The following HTR3B variants were observed in gnomAD, a reference collection of about 807,000 sequenced individuals.
HTR3B encodes the protein 5-hydroxytryptamine (serotonin) receptor 3B, ionotropic.
Under a neutral mutation model 42.8 loss-of-function variants are expected in HTR3B, and 44 were observed. That is an observed-to-expected ratio of 1.03 (90% confidence interval 0.81 to 1.32). The LOEUF (loss-of-function observed/expected upper bound fraction) is 1.32, where lower values mean the gene tolerates loss of function less well. HTR3B is among the 40% of genes most tolerant of loss of function. The pLI is 0.00. For synonymous variants in HTR3B, 203 were observed against 209.0 expected (o/e 0.97, Z 0.25); for missense variants, 527 against 536.5 (o/e 0.98, Z 0.17).
At position 113,911,904 on chromosome 11, in the gene HTR3B, C is replaced by T. The variant is rs185667363; in HGVS notation, c.213+2449C>T. Among the ~76,000 whole-genome samples the T allele has an allele frequency of 2.3e-3, 354 of 152,274 alleles. 1 individual carries two copies. Among genetic ancestry groups the T allele is most frequent in the Admixed American group, 4.1e-3 (63 of 15,298 alleles). The stretch of plus-strand genomic sequence containing the variant: ...TGTTCCCTTCCTAGTCCATCCCCAT[C>T]CTCTTCACCCACAGAGACAAATACT... On this transcript the variant is annotated intron_variant, in intron 2 of 8. Coordinates refer to ENST00000260191, the MANE Select transcript of HTR3B (RefSeq NM_006028.5).
intron 2 of HTR3B, among the ~76,000 whole-genome samples, chr11:113,929,667 T>G (rs1191181616): frequency 6.6e-6 from 1 of 152,166 alleles, no homozygotes; most frequent in Admixed American, 6.6e-5. Flanking sequence ...TCTTTTAATG[T>G]GCTTATTGGT....
chr11:113,927,212 A>T (rs1949984313), intron 2 of HTR3B, among the ~76,000 whole-genome samples: 1 of 152,164 alleles, frequency 6.6e-6, no homozygotes, highest in Non-Finnish European at 1.5e-5. Context: ...CATCACCGTG[A>T]TTCAGTCTCC....
upstream of HTR3B, among the ~76,000 whole-genome samples, chr11:113,901,652 G>A (rs1016300355): frequency 6.6e-6 from 1 of 152,124 alleles, no homozygotes; most frequent in Admixed American, 6.5e-5. Flanking sequence ...CCAATAAAGA[G>A]CCATAATGGG....
At chr11:113,909,516 A>C in intron 2 of HTR3B, 61 bp downstream of exon 2, 1 of 1,375,086 alleles carries the variant, frequency 7.3e-7, no homozygotes, top group Non-Finnish European at 1.0e-6. Flanking sequence ...TCTGCAGTTC[A>C]TGCAGGAGCC....
intron 8 of HTR3B, among the ~76,000 whole-genome samples, chr11:113,945,548 G>C (rs1391275358): frequency 1.3e-5 from 2 of 152,228 alleles, no homozygotes; most frequent in Non-Finnish European, 2.9e-5. Context: ...CAAGGAGCTT[G>C]TGTACATTTA....
upstream of HTR3B, among the ~76,000 whole-genome samples, chr11:113,899,924 A>G (rs1949686566): frequency 6.6e-6 from 1 of 152,232 alleles, no homozygotes; most frequent in Admixed American, 6.5e-5. Context: ...CGCAGATTCA[A>G]ATCCCAGATT....
chr11:113,904,785 G>C (rs953391145), upstream of HTR3B: 16 of 649,420 alleles, frequency 2.5e-5, no homozygotes, highest in African/African-American at 2.9e-4. Context: ...CCCACTGAGT[G>C]TTTACAAAAT....
At chr11:113,920,901 C>T (rs955943375) in intron 2 of HTR3B, among the ~76,000 whole-genome samples, 2 of 151,974 alleles carry the variant, frequency 1.3e-5, no homozygotes, top group African/African-American at 4.8e-5. Flanking sequence ...CAACCTCTGC[C>T]TCCTGGGTTC....
chr11:113,899,965 C>T (rs985869450), upstream of HTR3B, among the ~76,000 whole-genome samples: 1 of 152,188 alleles, frequency 6.6e-6, no homozygotes, highest in Non-Finnish European at 1.5e-5. Flanking sequence ...CAAGTAATGC[C>T]ACTTAAGAAG....
chr11:113,937,689 G>T (rs1950102055), intron 6 of HTR3B, among the ~76,000 whole-genome samples: 1 of 152,226 alleles, frequency 6.6e-6, no homozygotes, highest in South Asian at 2.1e-4. Context: ...CAGGCAACTT[G>T]ACTCCAGAAA....
intron 6 of HTR3B, among the ~76,000 whole-genome samples, chr11:113,937,381 T>C (rs1591585090): frequency 6.6e-6 from 1 of 152,210 alleles, no homozygotes. Flanking sequence ...TTTGAGTTCT[T>C]ACCATGTGCC....
At chr11:113,913,766 C>T (rs1348433089) in intron 2 of HTR3B, among the ~76,000 whole-genome samples, 20 of 152,138 alleles carry the variant, frequency 1.3e-4, no homozygotes, top group Admixed American at 1.0e-3. Context: ...CCACCTGCCT[C>T]GGTCTGCCAA....
At chr11:113,941,018 G>A (rs544717324) in intron 6 of HTR3B, among the ~76,000 whole-genome samples, 1 of 152,304 alleles carries the variant, frequency 6.6e-6, no homozygotes, top group Non-Finnish European at 1.5e-5. Context: ...CTCACTTAAG[G>A]GAGCTCAGCT....
intron 6 of HTR3B, among the ~76,000 whole-genome samples, chr11:113,938,068 T>C (rs2137531920): frequency 6.6e-6 from 1 of 152,250 alleles, no homozygotes; most frequent in South Asian, 2.1e-4. Flanking sequence ...GCCTTCTCCT[T>C]GTGTGTCTCT....
At chr11:113,944,495 T>C (rs1188464743) in intron 7 of HTR3B, 78 bp from the exon 8 acceptor site, 1 of 1,394,608 alleles carries the variant, frequency 7.2e-7, no homozygotes, top group Non-Finnish European at 1.0e-6. Flanking sequence ...AGCAAGACCC[T>C]GTCCCTAAAG....
chr11:113,944,880 C>T (rs981997104), intron 8 of HTR3B, 125 bp downstream of exon 8: 72 of 779,870 alleles, frequency 9.2e-5, no homozygotes, highest in Non-Finnish European at 1.3e-4. Context: ...GCTTCTTAGC[C>T]TGGGTGTGGC....
At position 113,947,602 on chromosome 11, in the gene HTR3B, G is replaced by A. The variant is rs1477409213; in HGVS notation, c.*1465G>A. On this transcript the variant is annotated 3_prime_UTR_variant, in exon 9 of 9. Coordinates refer to ENST00000260191, the MANE Select transcript of HTR3B (RefSeq NM_006028.5). Reference sequence around the variant, plus strand: ...TGTTTTCACATGACCTTTCCTCTGTGCATGCTCATGTCTGTGTCCAGATTT... The same window carrying A: ...TGTTTTCACATGACCTTTCCTCTGTACATGCTCATGTCTGTGTCCAGATTT... Among the ~76,000 whole-genome samples the A allele has an allele frequency of 6.6e-6, 1 of 152,120 alleles. No individual in the cohort carries two copies. Among genetic ancestry groups the A allele is most frequent in the African/African-American group, 2.4e-5 (1 of 41,410 alleles).
In HTR3B at chr11:113,933,064, G is replaced by T. The variant is rs145224778; in HGVS notation, c.667G>T (p.Ala223Ser). Residue 223 changes from alanine (A) to serine (S), a missense_variant, in exon 6 of 9, where the codon GCT becomes TCT. By Grantham distance (99) the Ala-to-Ser change is moderately conservative. Transcript: ENST00000260191. ...CACATACAGCATCCTGCAGAGCAGC[G>T]CTGGAGGATTTGCACAGATTCAGTT... ...SSTYSILQSS[A>S]GGFAQIQFNV... 1.9e-6 allele frequency: 3 copies of T among 1,614,050 alleles called. No individual in the cohort carries two copies. The highest frequency in any genetic ancestry group is 2.2e-5 in the South Asian group (2 of 91,066).
intron 2 of HTR3B, among the ~76,000 whole-genome samples, 166 bp from the exon 3 acceptor site, chr11:113,931,214 ATAAG>A (rs1950031513): frequency 6.6e-6 from 1 of 152,288 alleles, no homozygotes; most frequent in Non-Finnish European, 1.5e-5. Flanking sequence ...GGTGTGCATA[ATAAG>A]TAAGAACTGA....
Sources: gnomAD v4.1 joint callset for allele counts (sites outside exome capture counted in the v4.1 genomes callset) on GRCh38, gnomAD v4.1.1 for gene constraint, MANE v1.5 for transcripts, NCBI Gene and HGNC (gene_info 2026-07-23, HGNC 2026-07-21) for gene names.